GPC5: variants seen among roughly 807,000 people sequenced by gnomAD.
The protein encoded by GPC5 is glypican-5.
GPC5 carries 47 observed loss-of-function variants against 53.9 expected under a neutral mutation model. The observed-to-expected ratio is 0.87, with a 90% confidence interval of 0.69 to 1.11. The LOEUF (loss-of-function observed/expected upper bound fraction) is 1.11, where lower values mean the gene tolerates loss of function less well. Ranked by LOEUF, GPC5 falls within the 50% of genes most tolerant of loss-of-function variation. The pLI is 0.00. For missense variants in GPC5, 748 were observed against 713.1 expected (o/e 1.05, Z -0.56); for synonymous variants, 286 against 263.3 (o/e 1.09, Z -0.84).
At chr13:92,390,975 G>A (rs1160555490) in intron 7 of GPC5, among the ~76,000 whole-genome samples, 1 of 151,822 alleles carries the variant, frequency 6.6e-6, no homozygotes, top group African/African-American at 2.4e-5. Context: ...TTATTATATG[G>A]TTTCACTTCA....
chr13:92,741,312 A>G (rs1246534657), intron 7 of GPC5, among the ~76,000 whole-genome samples: 1 of 151,764 alleles, frequency 6.6e-6, no homozygotes. Context: ...TAAGTCAAGG[A>G]AGAGAGAATT....
At chr13:92,326,520 A>G (rs1049378223) in intron 7 of GPC5, among the ~76,000 whole-genome samples, 1 of 152,004 alleles carries the variant, frequency 6.6e-6, no homozygotes, top group African/African-American at 2.4e-5. Flanking sequence ...TATGTTTACA[A>G]TAGAGATAGA....
intron 7 of GPC5, among the ~76,000 whole-genome samples, chr13:92,440,932 C>A (rs893117400): frequency 1.3e-5 from 2 of 152,004 alleles, no homozygotes; most frequent in African/African-American, 2.4e-5. Flanking sequence ...TATTTAGGCT[C>A]CTTATAGATT....
chr13:92,554,576 C>G lies in GPC5; in HGVS notation c.1562-311706C>G, dbSNP rs189834080. On this transcript the variant is annotated intron_variant, in intron 7 of 7. Transcript: ENST00000377067. ...AACTTAATGAAACAAAAATTCATCC[C>G]CAAAACTATTTACTTGAAAAAAACT... Among the ~76,000 whole-genome samples the G allele has an allele frequency of 4.8e-3, 706 of 148,608 alleles. 6 individuals carry two copies. Among genetic ancestry groups the G allele is most frequent in the African/African-American group, 0.016 (668 of 40,502 alleles).
chr13:91,997,027 T>C (rs937633223), intron 6 of GPC5, among the ~76,000 whole-genome samples: 1 of 152,084 alleles, frequency 6.6e-6, no homozygotes, highest in African/African-American at 2.4e-5. Flanking sequence ...TCCTTTATTG[T>C]TTATATTAGG....
chr13:92,134,528 T>G (rs938650637), intron 6 of GPC5, among the ~76,000 whole-genome samples: 1 of 152,122 alleles, frequency 6.6e-6, no homozygotes, highest in African/African-American at 2.4e-5. Flanking sequence ...AATAAGCAAC[T>G]CCTTGATGAG....
intron 7 of GPC5, among the ~76,000 whole-genome samples, chr13:92,331,724 CTTCAT>C (rs1178121060): frequency 1.3e-5 from 2 of 150,946 alleles, no homozygotes; most frequent in African/African-American, 4.9e-5. Context: ...ATCGGTTTTA[CTTCAT>C]TTCATGTTTT....
chr13:91,833,737 C>T (rs777293529), intron 5 of GPC5, among the ~76,000 whole-genome samples: 9 of 152,000 alleles, frequency 5.9e-5, no homozygotes, highest in East Asian at 1.9e-4. Context: ...ATTGATGGAA[C>T]GTATCCCAAA....
At chr13:92,385,413 TATATATAC>T (rs201016219) in intron 7 of GPC5, among the ~76,000 whole-genome samples, 28,857 of 67,374 alleles carry the variant, frequency 0.43, 7,263 homozygotes, top group Non-Finnish European at 0.53. Context: ...TATATACACA[TATATATAC>T]ATATATACAT....
intron 7 of GPC5, among the ~76,000 whole-genome samples, chr13:92,253,098 G>C (rs2042703334): frequency 6.6e-6 from 1 of 152,122 alleles, no homozygotes; most frequent in South Asian, 2.1e-4. Flanking sequence ...AAGATGGGGA[G>C]TATTTTGCCA....
At chr13:92,415,948 G>A (rs562975056) in intron 7 of GPC5, among the ~76,000 whole-genome samples, 2 of 152,266 alleles carry the variant, frequency 1.3e-5, no homozygotes, top group East Asian at 3.9e-4. Context: ...ACATATTTAA[G>A]CATAAATTAC....
chr13:92,078,524 A>G (rs377393298), intron 6 of GPC5, among the ~76,000 whole-genome samples: 4 of 152,208 alleles, frequency 2.6e-5, no homozygotes, highest in African/African-American at 9.6e-5. Flanking sequence ...AGTGTTAGCC[A>G]TGATTAGTAT....
At chr13:91,747,250 A>T (rs1162902700) in intron 4 of GPC5, among the ~76,000 whole-genome samples, 2 of 152,224 alleles carry the variant, frequency 1.3e-5, no homozygotes, top group Non-Finnish European at 2.9e-5. Context: ...TTGTCAACAG[A>T]TTCAGAAACA....
intron 7 of GPC5, among the ~76,000 whole-genome samples, chr13:92,211,877 ACTG>A (rs1299191193): frequency 1.3e-5 from 2 of 152,128 alleles, no homozygotes; most frequent in Non-Finnish European, 2.9e-5. Context: ...AATTATCCCC[ACTG>A]CTGCTGGCAG....
intron 6 of GPC5, among the ~76,000 whole-genome samples, chr13:91,968,949 C>CT (rs981863564): frequency 1.3e-5 from 2 of 151,616 alleles, no homozygotes; most frequent in Non-Finnish European, 2.9e-5. Context: ...TCTTCTTTCT[C>CT]TTTTTTTCTA....
At chr13:92,211,733 T>G (rs915032319) in intron 7 of GPC5, among the ~76,000 whole-genome samples, 2 of 152,152 alleles carry the variant, frequency 1.3e-5, no homozygotes, top group African/African-American at 2.4e-5. Flanking sequence ...AACTCCTGAA[T>G]TAGATAATAG....
chr13:92,181,406 AAAAT>A (rs1470086697), intron 7 of GPC5, among the ~76,000 whole-genome samples: 3 of 152,188 alleles, frequency 2.0e-5, no homozygotes, highest in Admixed American at 1.3e-4. Flanking sequence ...AAGCAAACAA[AAAAT>A]AAATAAAATT....
intron 2 of GPC5, among the ~76,000 whole-genome samples, chr13:91,527,342 G>T (rs991152829): frequency 6.6e-6 from 1 of 152,194 alleles, no homozygotes; most frequent in Non-Finnish European, 1.5e-5. Flanking sequence ...ATGCAAGTCC[G>T]AAACTCAGCA....
intron 7 of GPC5, among the ~76,000 whole-genome samples, chr13:92,558,389 AT>A (rs1296113037): frequency 6.6e-6 from 1 of 152,024 alleles, no homozygotes; most frequent in Non-Finnish European, 1.5e-5. Flanking sequence ...TTATTTTGTA[AT>A]TTTTTTGCAA....
Sources: allele counts gnomAD v4.1 joint callset (sites outside exome capture counted in the v4.1 genomes callset), GRCh38; gene constraint gnomAD v4.1.1; transcripts MANE v1.5; gene names NCBI Gene and HGNC (gene_info 2026-07-23, HGNC 2026-07-21).